PRKCH: variants seen among roughly 807,000 people sequenced by gnomAD.
PRKCH encodes the protein protein kinase C eta type.
PRKCH carries 28 observed loss-of-function variants against 82.5 expected under a neutral mutation model. That is an observed-to-expected ratio of 0.34 (90% confidence interval 0.25 to 0.47). PRKCH has a LOEUF of 0.47. Among genes scored for constraint, PRKCH ranks in the 20% least tolerant of loss-of-function variants. PRKCH has a pLI of 1.00. For synonymous variants in PRKCH, 322 were observed against 327.4 expected, an observed-to-expected ratio of 0.98 and a Z score of 0.18; for missense variants, 705 against 881.8, an observed-to-expected ratio of 0.80 and a Z score of 2.54.
chr14:61,215,388 C>G (rs2044609584), intron 1 of PRKCH, among the ~76,000 whole-genome samples: 1 of 152,186 alleles, frequency 6.6e-6, no homozygotes, highest in Admixed American at 6.5e-5. Context: ...TTCCAGACTG[C>G]TGGCCTGCCC....
rs1566781709 is a variant in PRKCH, at chr14:61,210,148, ATATATATATATAT to A, written c.-19+22481_-19+22493del. On this transcript the variant is annotated intron_variant, in intron 1 of 3. Coordinates refer to the PRKCH transcript ENST00000555185. Reference sequence around the variant, plus strand: ...TATATATATATATATATATATATATATATATATATATATAAATTAGCTTGGCATAGTGGCAGGC... The same window carrying A: ...TATATATATATATATATATATATATAAAATTAGCTTGGCATAGTGGCAGGC... Among the ~76,000 whole-genome samples the A allele has an allele frequency of 8.1e-4, 62 of 76,606 alleles. 1 individual carries two copies. The highest frequency in any genetic ancestry group is 2.4e-3 in the Admixed American group (16 of 6,648). 50.3% of individuals were successfully genotyped at this position (76,606 alleles called of 152,430 possible). A position where few individuals can be genotyped will look rare whatever the true frequency, so the allele number is the denominator to read the frequency against.
intron 1 of PRKCH, among the ~76,000 whole-genome samples, chr14:61,253,326 G>A (rs1346969306): frequency 6.6e-6 from 1 of 152,348 alleles, no homozygotes; most frequent in South Asian, 2.1e-4. Flanking sequence ...GCAGGGATGC[G>A]TGAGGCATGA....
At chr14:61,433,670 A>T (rs1453454529) in intron 2 of PRKCH, among the ~76,000 whole-genome samples, 1 of 152,218 alleles carries the variant, frequency 6.6e-6, no homozygotes, top group African/African-American at 2.4e-5. Context: ...GATAATGTAT[A>T]CATACTTTAT....
chr14:61,313,213 C>G (rs904844855), intron 1 of PRKCH, among the ~76,000 whole-genome samples: 42 of 152,144 alleles, frequency 2.8e-4, no homozygotes, highest in Admixed American at 7.9e-4. Flanking sequence ...ATTTTCCTTT[C>G]ACAGGTTTCT....
chr14:61,368,117 A>G (rs2046320740), intron 1 of PRKCH, among the ~76,000 whole-genome samples: 2 of 151,928 alleles, frequency 1.3e-5, no homozygotes, highest in Non-Finnish European at 2.9e-5. Context: ...AGGAATTTCT[A>G]AGGAGAAAGT....
At chr14:61,329,236 T>TTTTTTCTTTTC (rs2045748016) in intron 1 of PRKCH, among the ~76,000 whole-genome samples, 1 of 107,218 alleles carries the variant, frequency 9.3e-6, no homozygotes, top group Non-Finnish European at 1.9e-5. Flanking sequence ...TCCTGAGTCT[T>TTTTTTCTTTTC]TTTTTTTTTT....
chr14:61,514,246 C>T (rs958572413), intron 10 of PRKCH, among the ~76,000 whole-genome samples: 1 of 148,672 alleles, frequency 6.7e-6, no homozygotes, highest in African/African-American at 2.5e-5. Context: ...CTGTGTCCTG[C>T]AGTAGCCAGT....
chr14:61,467,769 G>A (rs1264177521), intron 9 of PRKCH, among the ~76,000 whole-genome samples: 1 of 152,194 alleles, frequency 6.6e-6, no homozygotes, highest in East Asian at 1.9e-4. Flanking sequence ...TGAGACCCTA[G>A]CATATGTCCT....
At chr14:61,518,111 GT>G (rs1243626303) in intron 10 of PRKCH, among the ~76,000 whole-genome samples, 1 of 152,222 alleles carries the variant, frequency 6.6e-6, no homozygotes, top group Admixed American at 6.5e-5. Flanking sequence ...AGGTCCAAGT[GT>G]ACTGTTGGCC....
chr14:61,373,778 T>C (rs913163264), intron 1 of PRKCH, among the ~76,000 whole-genome samples: 2 of 152,054 alleles, frequency 1.3e-5, no homozygotes, highest in African/African-American at 2.4e-5. Context: ...TTTTTTTGTA[T>C]TTTTAGTAGA....
At chr14:61,356,636 C>A (rs2046154186) in intron 1 of PRKCH, among the ~76,000 whole-genome samples, 1 of 151,972 alleles carries the variant, frequency 6.6e-6, no homozygotes, top group Non-Finnish European at 1.5e-5. Context: ...CTTGGGAGAT[C>A]TTGGGGGGAA....
chr14:61,227,007 T>C (rs2044701911), intron 1 of PRKCH, among the ~76,000 whole-genome samples: 1 of 152,162 alleles, frequency 6.6e-6, no homozygotes, highest in African/African-American at 2.4e-5. Context: ...AATGCCTTGG[T>C]CCATTGTCGC....
chr14:61,284,805 G>T (rs2045300289), intron 1 of PRKCH, among the ~76,000 whole-genome samples: 1 of 152,104 alleles, frequency 6.6e-6, no homozygotes, highest in African/African-American at 2.4e-5. Flanking sequence ...TCCAAATACT[G>T]CTAAAATCAC....
intron 1 of PRKCH, among the ~76,000 whole-genome samples, chr14:61,296,353 A>G (rs1220869248): frequency 1.3e-5 from 2 of 152,102 alleles, no homozygotes; most frequent in East Asian, 1.9e-4. Context: ...CTAAGCTGAT[A>G]CACACCCCTG....
At chr14:61,320,165 C>G (rs1481923728), upstream of PRKCH, among the ~76,000 whole-genome samples, 1 of 151,786 alleles carries the variant, frequency 6.6e-6, no homozygotes, top group Admixed American at 6.6e-5. Context: ...GTATTCCAGC[C>G]TGGATGACAA....
chr14:61,521,604 G>C (rs2042907787), intron 10 of PRKCH, among the ~76,000 whole-genome samples: 1 of 150,012 alleles, frequency 6.7e-6, no homozygotes, highest in South Asian at 2.1e-4. Context: ...GTTTCACTCT[G>C]TTGCCCAGGC....
rs1235379489 is a variant in PRKCH, at chr14:61,443,116, C to A, written c.433C>A (p.Leu145Ile). ...TLTGSFTEAT[L>I]QRDRIFKHFT... ...TCCTTCCTTTTAATATATAGCTACT[C>A]TCCAGAGAGACCGGATCTTCAAACA... is the stretch of plus-strand genomic sequence containing the variant. Residue 145 changes from leucine to isoleucine, a missense_variant, in exon 3 of 14, where the codon CTC (leucine) becomes ATC (isoleucine). Physicochemically the swap from Leu to Ile is conservative, Grantham distance 5. Around this residue, in one of 5 missense-constraint regions of PRKCH, gnomAD observed 246 missense variants for 308.0 expected, o/e 0.80. Transcript: ENST00000332981. 6.2e-7 allele frequency: 1 copy of A among 1,613,654 alleles called. No homozygotes were observed. Among genetic ancestry groups the A allele is most frequent in the Non-Finnish European group, 8.5e-7 (1 of 1,179,674 alleles).
chr14:61,512,026 G>T (rs886818373), intron 10 of PRKCH, among the ~76,000 whole-genome samples: 1 of 152,104 alleles, frequency 6.6e-6, no homozygotes, highest in African/African-American at 2.4e-5. Flanking sequence ...TTGAATTTTG[G>T]TAAATTTTTT....
At chr14:61,427,667 G>C (rs532412990) in intron 2 of PRKCH, among the ~76,000 whole-genome samples, 14 of 152,200 alleles carry the variant, frequency 9.2e-5, no homozygotes, top group African/African-American at 3.1e-4. Context: ...GCTCATTGCA[G>C]CTTCAACCTT....
Sources: gnomAD v4.1 joint callset for allele counts (sites outside exome capture counted in the v4.1 genomes callset) on GRCh38, gnomAD v4.1.1 for gene constraint, gnomAD v4.1.1 regional missense constraint, MANE v1.5 for transcripts, NCBI Gene and HGNC (gene_info 2026-07-23, HGNC 2026-07-21) for gene names.